Variants in GALNTL6 observed in about 807,000 individuals in gnomAD.
GALNTL6 encodes polypeptide N-acetylgalactosaminyltransferase like 6.
In GALNTL6, 46 loss-of-function variants were observed where a neutral mutation model predicts 73.7. That is an observed-to-expected ratio of 0.62 (90% CI 0.49 to 0.80). GALNTL6 has a LOEUF of 0.80. GALNTL6 is among the 30% of genes least tolerant of loss of function. The probability of loss-of-function intolerance (pLI) is 0.00; values close to 1 mark genes in which losing one functional copy is unlikely to be tolerated. For synonymous variants in GALNTL6, 259 were observed against 263.7 expected (o/e 0.98, Z 0.17); for missense variants, 604 against 755.0 (o/e 0.80, Z 2.34).
rs191175814 is a variant in GALNTL6, at chr4:172,100,306, T to A, written c.139-129350T>A. ...GCCCTTAATGATAATAATATTATTA[T>A]GAATCCAAGCTCCAGAGAGCAGAAT... On this transcript the variant is annotated intron_variant, in intron 2 of 12. Coordinates refer to ENST00000506823, the MANE Select transcript of GALNTL6 (RefSeq NM_001034845.3). Among the ~76,000 whole-genome samples, 3 of 152,278 alleles carry A rather than the reference T, an allele frequency of 2.0e-5. No individual in the cohort carries two copies. In the East Asian group the frequency reaches 5.8e-4, roughly 29 times the overall value.
intron 5 of GALNTL6, among the ~76,000 whole-genome samples, chr4:172,472,195 G>A (rs1733078066): frequency 6.6e-6 from 1 of 152,126 alleles, no homozygotes; most frequent in Non-Finnish European, 1.5e-5. Flanking sequence ...AGAGTTGCAT[G>A]GGTCACTCAA....
At chr4:171,893,092 A>T (rs1195854089) in intron 2 of GALNTL6, among the ~76,000 whole-genome samples, 1 of 152,208 alleles carries the variant, frequency 6.6e-6, no homozygotes, top group Non-Finnish European at 1.5e-5. Flanking sequence ...ACAAATGGAT[A>T]ATGTGCGGTT....
intron 5 of GALNTL6, among the ~76,000 whole-genome samples, chr4:172,444,630 CT>C (rs1731952993): frequency 6.6e-6 from 1 of 151,972 alleles, no homozygotes; most frequent in Admixed American, 6.6e-5. Context: ...CATGATATGT[CT>C]CGTAGGTTTC....
chr4:172,584,910 G>A (rs190823695), intron 5 of GALNTL6, among the ~76,000 whole-genome samples: 1 of 152,256 alleles, frequency 6.6e-6, no homozygotes, highest in Admixed American at 6.5e-5. Flanking sequence ...TGAACTCTGA[G>A]GAACACCAAC....
At chr4:172,913,572 G>A (rs1008801751) in intron 8 of GALNTL6, among the ~76,000 whole-genome samples, 1 of 152,260 alleles carries the variant, frequency 6.6e-6, no homozygotes, top group East Asian at 1.9e-4. Flanking sequence ...TGAAAACCAT[G>A]GCACGAGAAC....
chr4:172,131,333 GA>G (rs1733487218), intron 2 of GALNTL6, among the ~76,000 whole-genome samples: 1 of 148,738 alleles, frequency 6.7e-6, no homozygotes, highest in Admixed American at 6.7e-5. Context: ...TATTTAAAAT[GA>G]AAAAACAGTA....
At chr4:172,473,609 C>CGAAA (rs1733130488) in intron 5 of GALNTL6, among the ~76,000 whole-genome samples, 2 of 152,174 alleles carry the variant, frequency 1.3e-5, no homozygotes, top group South Asian at 4.1e-4. Flanking sequence ...TCAAGATAGA[C>CGAAA]TTTCTTTACA....
At chr4:172,637,529 T>C (rs1255486953) in intron 5 of GALNTL6, among the ~76,000 whole-genome samples, 1 of 152,210 alleles carries the variant, frequency 6.6e-6, no homozygotes, top group Non-Finnish European at 1.5e-5. Context: ...ATCACGTTGA[T>C]TATCCTTAAG....
At chr4:172,378,471 T>C (rs1319361147) in intron 5 of GALNTL6, among the ~76,000 whole-genome samples, 3 of 152,170 alleles carry the variant, frequency 2.0e-5, no homozygotes, top group Non-Finnish European at 4.4e-5. Flanking sequence ...ATAACACTAA[T>C]TGTGTATTTA....
At chr4:172,224,176 G>C (rs753849341) in intron 2 of GALNTL6, among the ~76,000 whole-genome samples, 1 of 152,070 alleles carries the variant, frequency 6.6e-6, no homozygotes, top group East Asian at 1.9e-4. Flanking sequence ...TAAACCAAGG[G>C]CTTTCACATA....
At chr4:171,999,995 T>C (rs574346328) in intron 2 of GALNTL6, among the ~76,000 whole-genome samples, 3 of 152,290 alleles carry the variant, frequency 2.0e-5, no homozygotes, top group African/African-American at 7.2e-5. Flanking sequence ...AGTAAAAGTT[T>C]TCTTTTGGAG....
intron 4 of GALNTL6, among the ~76,000 whole-genome samples, chr4:172,313,705 G>A (rs973982357): frequency 1.8e-4 from 27 of 152,166 alleles, no homozygotes; most frequent in African/African-American, 5.8e-4. Flanking sequence ...GAAAAATATG[G>A]CCAAAATATA....
chr4:172,190,658 A>AACCAGGCC (rs1257365872), intron 2 of GALNTL6, among the ~76,000 whole-genome samples: 3 of 152,194 alleles, frequency 2.0e-5, no homozygotes, highest in African/African-American at 7.2e-5. Context: ...AGGATATTAG[A>AACCAGGCC]ACCAGGCCAT....
In GALNTL6 at chr4:173,039,004, T is replaced by G. The variant is rs1371924424; in HGVS notation, c.1639-929T>G. Among the ~76,000 whole-genome samples the G allele has an allele frequency of 2.0e-5, 3 of 152,218 alleles. No individual in the cohort carries two copies. The East Asian group carries it at 5.8e-4, about 29-fold the overall frequency. On this transcript the variant is annotated intron_variant, in intron 12 of 12. Transcript: ENST00000506823. ...TTATAGACAACATTAGAGGTAAAATTTATTACTAGTTAGGAAATTTTTCTT... is the reference window on the plus strand; with the variant it reads ...TTATAGACAACATTAGAGGTAAAATGTATTACTAGTTAGGAAATTTTTCTT...
At position 172,918,155 on chromosome 4, in the gene GALNTL6, C is replaced by T. The variant is rs1406916085; in HGVS notation, c.1042-13006C>T. Among the ~76,000 whole-genome samples the T allele has an allele frequency of 3.9e-5, 6 of 152,058 alleles. 1 individual carries two copies. Among genetic ancestry groups the T allele is most frequent in the South Asian group, 4.1e-4 (2 of 4,830 alleles). On this transcript the variant is annotated intron_variant, in intron 8 of 12. Coordinates refer to ENST00000506823, the MANE Select transcript of GALNTL6 (RefSeq NM_001034845.3). ...ATCACAAGGACAGAAAACCAAACAC[C>T]GCATGCTCTCACTCATAAGTGGGAA...
intron 2 of GALNTL6, among the ~76,000 whole-genome samples, chr4:171,903,695 A>G (rs921918695): frequency 1.3e-5 from 2 of 151,228 alleles, no homozygotes; most frequent in Non-Finnish European, 2.9e-5. Flanking sequence ...GGGGCAGGGC[A>G]CAGACAAACA....
At chr4:172,238,581 T>G (rs186097755) in intron 3 of GALNTL6, among the ~76,000 whole-genome samples, 45 of 150,962 alleles carry the variant, frequency 3.0e-4, no homozygotes, top group Admixed American at 2.8e-3. Flanking sequence ...TCTATTTAGA[T>G]GCTTTTTATT....
chr4:171,989,354 C>A (rs1438793316), intron 2 of GALNTL6, among the ~76,000 whole-genome samples: 1 of 152,144 alleles, frequency 6.6e-6, no homozygotes, highest in Admixed American at 6.5e-5. Flanking sequence ...GGCCAGCATT[C>A]CAGGGGCTCT....
chr4:172,032,562 T>C (rs1741801334), intron 2 of GALNTL6, among the ~76,000 whole-genome samples: 1 of 152,054 alleles, frequency 6.6e-6, no homozygotes, highest in East Asian at 1.9e-4. Context: ...AAAATTTGTC[T>C]GTATAAACAC....
Sources: gnomAD v4.1 joint callset for allele counts (sites outside exome capture counted in the v4.1 genomes callset) on GRCh38, gnomAD v4.1.1 for gene constraint, MANE v1.5 for transcripts, NCBI Gene and HGNC (gene_info 2026-07-23, HGNC 2026-07-21) for gene names.